PRDM16: variants seen among roughly 807,000 people sequenced by gnomAD.
PRDM16 encodes PR/SET domain 16.
Under a neutral mutation model 110.6 loss-of-function variants are expected in PRDM16, and 23 were observed. That is an observed-to-expected ratio of 0.21 (90% confidence interval 0.15 to 0.29). The LOEUF is 0.29. Among genes scored for constraint, PRDM16 ranks in the 10% least tolerant of loss-of-function variants. The probability of loss-of-function intolerance (pLI) is 1.00; values close to 1 mark genes in which losing one functional copy is unlikely to be tolerated. For missense variants in PRDM16, 1,615 were observed against 1,794.3 expected (o/e 0.90, Z 1.81); for synonymous variants, 799 against 781.8 (o/e 1.02, Z -0.37).
Position 3,164,239 on chromosome 1 carries a change from G to A in PRDM16, c.38-21886G>A, listed in dbSNP as rs531593526. On this transcript the variant is annotated intron_variant, in intron 1 of 16. Transcript: ENST00000270722. ...TTCGTGGTTTTGTAAGGTTTGAAAA[G>A]CGATTTAAAATAATTTTAGGTTGTC... Among the ~76,000 whole-genome samples, 6 of 152,378 alleles carry A rather than the reference G, an allele frequency of 3.9e-5. No homozygotes were observed. The South Asian group carries it at 1.2e-3, about 32-fold the overall frequency.
chr1:3,343,891 T>C (rs1396654845), intron 3 of PRDM16, among the ~76,000 whole-genome samples: 1 of 152,208 alleles, frequency 6.6e-6, no homozygotes, highest in Non-Finnish European at 1.5e-5. Context: ...TCCACCCACC[T>C]CGGCCTCCCA....
chr1:3,119,443 C>G (rs974963773), intron 1 of PRDM16, among the ~76,000 whole-genome samples: 1 of 152,224 alleles, frequency 6.6e-6, no homozygotes, highest in African/African-American at 2.4e-5. Context: ...TCCACAGCCG[C>G]CTGGGCCAGG....
chr1:3,204,091 G>C (rs1192021706), intron 2 of PRDM16, among the ~76,000 whole-genome samples: 1 of 152,206 alleles, frequency 6.6e-6, no homozygotes, highest in Non-Finnish European at 1.5e-5. Flanking sequence ...ACATATGAAC[G>C]GTGGTGCCAA....
intron 14 of PRDM16, among the ~76,000 whole-genome samples, chr1:3,428,776 C>T (rs1638688000): frequency 6.6e-6 from 1 of 151,046 alleles, no homozygotes; most frequent in African/African-American, 2.4e-5. Flanking sequence ...GGTGGAAGTC[C>T]CAGCCCCCGG....
chr1:3,278,598 G>A (rs918425858), intron 3 of PRDM16, among the ~76,000 whole-genome samples: 19 of 152,184 alleles, frequency 1.2e-4, no homozygotes, highest in African/African-American at 4.6e-4. Context: ...AGCCGCACCC[G>A]GCACCCTGCT....
rs747752971 is a variant in PRDM16 at position 3,209,764 on chromosome 1, G to A, written c.387+23290G>A. The stretch of plus-strand genomic sequence containing the variant: ...GAGGGTTGGGCCAGGAACTTGTCTT[G>A]TAGTTTCCTGAGCACGACAGCCAGG... On this transcript the variant is annotated intron_variant, in intron 2 of 16. Transcript: ENST00000270722. This position sits in a 1 kb window ranked among gnomAD's most constrained non-coding sequence, Gnocchi z 4.6. Among the ~76,000 whole-genome samples, 2 of 152,158 alleles carry A rather than the reference G, an allele frequency of 1.3e-5. No homozygotes were observed. Among genetic ancestry groups the A allele is most frequent in the Non-Finnish European group, 2.9e-5 (2 of 68,026 alleles).
At chr1:3,292,789 C>T (rs1411428277) in intron 3 of PRDM16, among the ~76,000 whole-genome samples, 3 of 152,222 alleles carry the variant, frequency 2.0e-5, no homozygotes, top group Admixed American at 6.5e-5. Context: ...TCCACCAGCA[C>T]ATCGGTGGGG....
intron 3 of PRDM16, among the ~76,000 whole-genome samples, chr1:3,337,074 C>T (rs1047496739): frequency 1.3e-4 from 19 of 146,444 alleles, no homozygotes; most frequent in South Asian, 4.4e-4. Flanking sequence ...AATCTGTGTG[C>T]GTGTGTGAGC....
rs1440262427 is a variant in PRDM16 at position 3,206,579 on chromosome 1, C to T, written c.387+20105C>T. On this transcript the variant is annotated intron_variant, in intron 2 of 16. Coordinates refer to ENST00000270722, the MANE Select transcript of PRDM16 (RefSeq NM_022114.4). The surrounding 1 kb of genome is among the most constrained non-coding windows in gnomAD (Gnocchi z 4.9). ...TCACCCTCCGGACACACACGCATGC[C>T]TTCCCACGCTCCTGTGCACACACCC... is the stretch of plus-strand genomic sequence containing the variant. The T allele has an allele frequency of 6.6e-6, 1 of 152,248 alleles. No individual in the cohort carries two copies. 9.4% of individuals were successfully genotyped at this position (152,248 alleles called of 1,614,324 possible).
intron 3 of PRDM16, among the ~76,000 whole-genome samples, chr1:3,360,965 C>A (rs760666581): frequency 3.9e-5 from 6 of 152,172 alleles, no homozygotes; most frequent in Admixed American, 3.9e-4. Context: ...GGCTGGCGGC[C>A]GGAGTCTATG....
In PRDM16 at chr1:3,339,699, C is replaced by T. The variant is rs1203948525; in HGVS notation, c.439-45453C>T. On this transcript the variant is annotated intron_variant, in intron 3 of 16. Transcript: ENST00000270722. This position sits in a 1 kb window ranked among gnomAD's most constrained non-coding sequence, Gnocchi z 5.0. The stretch of plus-strand genomic sequence containing the variant: ...TGTGTGGTGGGGGGTGTGCAGAGCT[C>T]AGTTACCCCATCTGCCTCAGCCTCC... 6.6e-6 allele frequency among the ~76,000 whole-genome samples: 1 copy of T among 152,090 alleles called. No individual in the cohort carries two copies. Among genetic ancestry groups the T allele is most frequent in the African/African-American group, 2.4e-5 (1 of 41,412 alleles).
intron 3 of PRDM16, among the ~76,000 whole-genome samples, chr1:3,352,979 G>A (rs559838484): frequency 2.0e-5 from 3 of 152,330 alleles, no homozygotes; most frequent in African/African-American, 4.8e-5. Flanking sequence ...GGGCCCATGC[G>A]TGGCCGGAGG....
intron 12 of PRDM16, among the ~76,000 whole-genome samples, chr1:3,421,539 G>A (rs568963543): frequency 5.3e-5 from 8 of 152,242 alleles, no homozygotes; most frequent in Admixed American, 2.6e-4. Flanking sequence ...CTGGGCTCAC[G>A]GCTCCCCTAA....
chr1:3,343,783 G>A (rs1437485042), intron 3 of PRDM16, among the ~76,000 whole-genome samples: 1 of 152,034 alleles, frequency 6.6e-6, no homozygotes, highest in Non-Finnish European at 1.5e-5. Context: ...TGGGACTACA[G>A]GCATCCACCA....
At chr1:3,371,434 C>T (rs1235174256) in intron 3 of PRDM16, among the ~76,000 whole-genome samples, 3 of 151,424 alleles carry the variant, frequency 2.0e-5, no homozygotes, top group African/African-American at 7.3e-5. Flanking sequence ...ATCATCCATC[C>T]ATACATCCAT....
rs2100850920 is a variant in PRDM16 at position 3,213,291 on chromosome 1, A to G, written c.387+26817A>G. 6.6e-6 allele frequency among the ~76,000 whole-genome samples: 1 copy of G among 152,124 alleles called. No individual in the cohort carries two copies. Among genetic ancestry groups the G allele is most frequent in the Non-Finnish European group, 1.5e-5 (1 of 68,010 alleles). ...TTTATGAATTAAACATGGCATGTCC[A>G]TCAAGTCATAGAGACAACCATTTCT... On this transcript the variant is annotated intron_variant, in intron 2 of 16. Coordinates refer to ENST00000270722, the MANE Select transcript of PRDM16 (RefSeq NM_022114.4). This position sits in a 1 kb window ranked among gnomAD's most constrained non-coding sequence, Gnocchi z 5.3.
chr1:3,395,116 G>C (rs575761578), intron 4 of PRDM16, among the ~76,000 whole-genome samples: 2 of 152,310 alleles, frequency 1.3e-5, no homozygotes, highest in Non-Finnish European at 2.9e-5. Flanking sequence ...TGTGTCTTTT[G>C]AGAGTTCCTT....
chr1:3,250,131 C>A (rs1639894189), intron 3 of PRDM16, among the ~76,000 whole-genome samples: 1 of 140,172 alleles, frequency 7.1e-6, no homozygotes, highest in African/African-American at 2.6e-5. Flanking sequence ...CCTCCCCCCA[C>A]CCCACTCCCA....
chr1:3,313,334 A>C (rs1243224013), intron 3 of PRDM16, among the ~76,000 whole-genome samples: 1 of 152,066 alleles, frequency 6.6e-6, no homozygotes, highest in African/African-American at 2.4e-5. Flanking sequence ...AGAAGGGGAG[A>C]GCTGAGCTCC....
Sources: gnomAD v4.1 joint callset for allele counts (sites outside exome capture counted in the v4.1 genomes callset) on GRCh38, gnomAD v4.1.1 for gene constraint, Gnocchi (gnomAD v3.1) non-coding constraint, MANE v1.5 for transcripts, NCBI Gene and HGNC (gene_info 2026-07-23, HGNC 2026-07-21) for gene names.